Variants in NCOR1 observed in about 807,000 individuals in gnomAD.
The protein encoded by NCOR1 is protein phosphatase 1, regulatory subunit 109.
A neutral mutation model predicts 288.1 loss-of-function variants in NCOR1; 63 were observed. That is an observed-to-expected ratio of 0.22 (90% CI 0.18 to 0.27). The LOEUF (loss-of-function observed/expected upper bound fraction) is 0.27, where lower values mean the gene tolerates loss of function less well. Among genes scored for constraint, NCOR1 ranks in the 10% least tolerant of loss-of-function variants. NCOR1 has a pLI of 1.00. For synonymous variants in NCOR1, 1,007 were observed against 1,065.9 expected, an observed-to-expected ratio of 0.94 and a Z score of 1.08; for missense variants, 2,397 against 3,019.2, an observed-to-expected ratio of 0.79 and a Z score of 4.83.
chr17:16,199,204 G>GAAA (rs71353779), intron 1 of NCOR1, among the ~76,000 whole-genome samples: 1,293 of 99,766 alleles, frequency 0.013, 47 homozygotes, highest in African/African-American at 0.023. Context: ...AATACAGAAG[G>GAAA]AAAAAAAAAA....
In NCOR1 at chr17:16,148,206, T is replaced by C. The variant is rs1389431451; in HGVS notation, c.909+1245A>G. 2.6e-5 allele frequency among the ~76,000 whole-genome samples: 4 copies of C among 152,172 alleles called. No individual in the cohort carries two copies. The South Asian group carries it at 6.2e-4, about 24-fold the overall frequency. On this transcript the variant is annotated intron_variant, in intron 9 of 45. Transcript: ENST00000268712. The stretch of plus-strand genomic sequence containing the variant: ...CTGGCTCTGGCTTCCCTCAGCAGCC[T>C]CATTTCTCACCACACTGCCAGCTCA...
At position 16,194,612 on chromosome 17, in the gene NCOR1, A is replaced by G; in HGVS notation, c.-43T>C. The G allele has an allele frequency of 2.4e-6, 3 of 1,236,790 alleles. No individual in the cohort carries two copies. Among genetic ancestry groups the G allele is most frequent in the South Asian group, 1.3e-5 (1 of 77,174 alleles). 76.6% of individuals were successfully genotyped at this position (1,236,790 alleles called of 1,614,324 possible). ...TCACCAGACTGTGAGATCAATGCCA[A>G]TAAACAATCATGTTTCTAGGAAACC... is the stretch of plus-strand genomic sequence containing the variant. On this transcript the variant is annotated 5_prime_UTR_variant, in exon 2 of 46. Coordinates refer to ENST00000268712, the MANE Select transcript of NCOR1 (RefSeq NM_006311.4).
intron 42 of NCOR1, among the ~76,000 whole-genome samples, chr17:16,045,305 T>G (rs951112898): frequency 7.9e-5 from 12 of 152,148 alleles, no homozygotes; most frequent in Non-Finnish European, 1.3e-4. Context: ...AACTGCAGCC[T>G]CATTACTTAC....
At chr17:16,201,601 A>T (rs1453238798) in intron 1 of NCOR1, among the ~76,000 whole-genome samples, 1 of 152,156 alleles carries the variant, frequency 6.6e-6, no homozygotes, top group African/African-American at 2.4e-5. Context: ...CTATCTCAAA[A>T]AATAATAATA....
chr17:16,197,495 T>C (rs975742338), intron 1 of NCOR1, among the ~76,000 whole-genome samples: 51 of 152,130 alleles, frequency 3.4e-4, no homozygotes, highest in African/African-American at 1.2e-3. Context: ...CCTGCTCCCT[T>C]CCTGAGGCAT....
intron 18 of NCOR1, among the ~76,000 whole-genome samples, chr17:16,112,190 T>C (rs762879331): frequency 4.6e-5 from 7 of 152,190 alleles, no homozygotes; most frequent in Non-Finnish European, 1.0e-4. Context: ...TTTAAATACA[T>C]ATCTGACTCA....
intron 18 of NCOR1, among the ~76,000 whole-genome samples, chr17:16,117,583 G>A (rs973846689): frequency 8.6e-5 from 13 of 151,502 alleles, no homozygotes. Context: ...AGCACTTTGG[G>A]AGGCTGAGAC....
intron 40 of NCOR1, among the ~76,000 whole-genome samples, chr17:16,055,265 G>A (rs948102044): frequency 5.3e-5 from 8 of 152,190 alleles, no homozygotes; most frequent in African/African-American, 1.9e-4. Flanking sequence ...CAAAGACATG[G>A]AATCAACCCA....
chr17:16,046,731 A>G (rs980867455), intron 42 of NCOR1, among the ~76,000 whole-genome samples: 2 of 152,216 alleles, frequency 1.3e-5, no homozygotes, highest in African/African-American at 4.8e-5. Context: ...GCATTTCTTC[A>G]AAGAGAAACG....
rs775974401 is a variant in NCOR1, at chr17:16,199,616, TA to T, written c.-70-4978del. Among the ~76,000 whole-genome samples the T allele has an allele frequency of 3.9e-5, 6 of 152,172 alleles. No individual in the cohort carries two copies. In the East Asian group the frequency reaches 9.7e-4, roughly 24 times the overall value. ...ACTTTACATTTGAAACCCACTGAAATAAAAGAATCTAGTTTAAAGTTCAGAC... is the reference window on the plus strand; with the variant it reads ...ACTTTACATTTGAAACCCACTGAAATAAAGAATCTAGTTTAAAGTTCAGAC... On this transcript the variant is annotated intron_variant, in intron 1 of 45. Transcript: ENST00000268712.
At chr17:16,175,632 T>C (rs1396557908) in intron 3 of NCOR1, among the ~76,000 whole-genome samples, 2 of 152,080 alleles carry the variant, frequency 1.3e-5, no homozygotes, top group Non-Finnish European at 2.9e-5. Context: ...GGCTCACACG[T>C]TTCCCATCAC....
intron 14 of NCOR1, among the ~76,000 whole-genome samples, chr17:16,127,552 C>T (rs35375077): frequency 0.5 from 60,240 of 120,490 alleles, 16,621 homozygotes; most frequent in Middle Eastern, 0.64. Flanking sequence ...TATATATACA[C>T]ATGTGTATAT....
chr17:16,125,457 C>T (rs2073847306), intron 15 of NCOR1, among the ~76,000 whole-genome samples: 2 of 152,076 alleles, frequency 1.3e-5, no homozygotes, highest in African/African-American at 4.8e-5. Flanking sequence ...ATAATCCCAG[C>T]ACTTTGGGAG....
At chr17:16,143,807 A>T (rs1337564974) in intron 10 of NCOR1, 111 bp from the exon 11 acceptor site, 2 of 729,978 alleles carry the variant, frequency 2.7e-6, no homozygotes, top group African/African-American at 3.6e-5. Context: ...CCAAGTTAAG[A>T]GAAGAAACAT....
chr17:16,076,902 TG>T (rs1190478933), intron 26 of NCOR1, among the ~76,000 whole-genome samples: 22 of 152,194 alleles, frequency 1.4e-4, no homozygotes, highest in African/African-American at 5.3e-4. Flanking sequence ...AAAACTGCAA[TG>T]CCTGCAGCCA....
intron 2 of NCOR1, among the ~76,000 whole-genome samples, chr17:16,187,928 G>T (rs558612934): frequency 4.5e-4 from 67 of 150,338 alleles, no homozygotes; most frequent in African/African-American, 1.6e-3. Flanking sequence ...AAAGAAAAAC[G>T]AAAAGGCAAC....
intron 14 of NCOR1, among the ~76,000 whole-genome samples, chr17:16,133,857 T>A (rs2076012922): frequency 1.3e-5 from 2 of 152,176 alleles, no homozygotes; most frequent in African/African-American, 4.8e-5. Context: ...CCTTTCCTCA[T>A]CCCCACAATC....
intron 3 of NCOR1, among the ~76,000 whole-genome samples, chr17:16,182,992 A>T (rs890294237): frequency 1.3e-5 from 2 of 152,112 alleles, no homozygotes; most frequent in Non-Finnish European, 2.9e-5. Flanking sequence ...TCTTTTCTTG[A>T]CTTAAAAAAC....
chr17:16,205,846 A>G, intron 1 of NCOR1, among the ~76,000 whole-genome samples: 1 of 145,180 alleles, frequency 6.9e-6, no homozygotes, highest in African/African-American at 2.6e-5. Context: ...CTGAGGCAGG[A>G]GAATCGCTTG....
Sources: gnomAD v4.1 joint callset for allele counts (sites outside exome capture counted in the v4.1 genomes callset) on GRCh38, gnomAD v4.1.1 for gene constraint, MANE v1.5 for transcripts, NCBI Gene and HGNC (gene_info 2026-07-23, HGNC 2026-07-21) for gene names.